Variants in EIF3E observed in about 807,000 individuals in gnomAD.
EIF3E encodes the protein eIF-3 p48.
EIF3E carries 25 observed loss-of-function variants against 59.3 expected under a neutral mutation model. The ratio of observed to expected loss-of-function variants is 0.42; its 90% CI spans 0.31 to 0.59. The LOEUF is 0.59. Among genes scored for constraint, EIF3E ranks in the 20% least tolerant of loss-of-function variants. The pLI is 0.15. For synonymous variants in EIF3E, 176 were observed against 170.2 expected (o/e 1.03, Z -0.26); for missense variants, 317 against 534.3 (o/e 0.59, Z 4.01).
intron 1 of EIF3E, among the ~76,000 whole-genome samples, chr8:108,247,036 A>G (rs1815961586): frequency 6.6e-6 from 1 of 152,136 alleles, no homozygotes; most frequent in Admixed American, 6.5e-5. Flanking sequence ...AAATGTACTT[A>G]GAAATTGCTA....
chr8:108,225,331 C>A (rs1289781296), intron 7 of EIF3E, among the ~76,000 whole-genome samples: 1 of 151,500 alleles, frequency 6.6e-6, no homozygotes, highest in African/African-American at 2.5e-5. Flanking sequence ...AATGCTTAAA[C>A]CCGTTTCTAT....
At chr8:108,206,789 C>T (rs1373450665) in intron 10 of EIF3E, among the ~76,000 whole-genome samples, 2 of 152,098 alleles carry the variant, frequency 1.3e-5, no homozygotes, top group Non-Finnish European at 2.9e-5. Flanking sequence ...GGTGACAGAA[C>T]AAGATCCTGT....
At chr8:108,206,981 G>A (rs1354547930) in intron 10 of EIF3E, among the ~76,000 whole-genome samples, 2 of 152,080 alleles carry the variant, frequency 1.3e-5, no homozygotes, top group East Asian at 3.9e-4. Context: ...GTGGATCTTT[G>A]TTTGCACTGT....
intron 5 of EIF3E, among the ~76,000 whole-genome samples, chr8:108,230,295 C>G (rs1815597509): frequency 6.6e-6 from 1 of 152,118 alleles, no homozygotes; most frequent in Non-Finnish European, 1.5e-5. Context: ...CTCACTGCAA[C>G]ATGGGGATAG....
chr8:108,203,244 G>C, intron 11 of EIF3E, 127 bp from the exon 12 acceptor site: 1 of 1,327,800 alleles, frequency 7.5e-7, no homozygotes, highest in Non-Finnish European at 1.0e-6. Flanking sequence ...ATTTACCAAG[G>C]AAGAAAAAAA....
intron 5 of EIF3E, chr8:108,233,684 A>G: frequency 2.4e-6 from 1 of 414,112 alleles, no homozygotes; most frequent in South Asian, 1.7e-5. Context: ...TTGGAAAAAA[A>G]AAAATTAAAA....
At chr8:108,202,935 T>C (rs1415068579) in intron 12 of EIF3E, 48 bp downstream of exon 12, 12 of 1,558,700 alleles carry the variant, frequency 7.7e-6, no homozygotes, top group Non-Finnish European at 1.0e-5. Flanking sequence ...ATGTAACAAT[T>C]ACATGGTTGC....
chr8:108,204,006 C>G (rs1280469364), intron 10 of EIF3E, among the ~76,000 whole-genome samples: 1 of 151,952 alleles, frequency 6.6e-6, no homozygotes, highest in African/African-American at 2.4e-5. Flanking sequence ...ATTTACATAG[C>G]ATTTACATTT....
chr8:108,217,139 T>A (rs892690291), intron 8 of EIF3E, among the ~76,000 whole-genome samples, 195 bp downstream of exon 8: 3 of 152,144 alleles, frequency 2.0e-5, no homozygotes, highest in Admixed American at 1.3e-4. Context: ...TCCTACCACA[T>A]CCAACTTGTG....
chr8:108,248,028 G>A (rs1182556524), intron 1 of EIF3E, among the ~76,000 whole-genome samples: 1 of 143,754 alleles, frequency 7.0e-6, no homozygotes, highest in African/African-American at 2.5e-5. Context: ...TTTTTTCTGG[G>A]GGGGGGGGCG....
At chr8:108,239,494 A>G (rs1815797209) in intron 3 of EIF3E, among the ~76,000 whole-genome samples, 1 of 152,162 alleles carries the variant, frequency 6.6e-6, no homozygotes, top group Admixed American at 6.6e-5. Context: ...GAGCCACCAC[A>G]CAGTGGAACA....
Position 108,217,208 on chromosome 8 carries a change from A to C in EIF3E, c.849+126T>G, listed in dbSNP as rs1815320031. ...GAGGGTCTTCTCTTTTCTAAACTTC[A>C]AGTATTCCTTCCACCTATTTTTAAA... On this transcript the variant is annotated intron_variant, in intron 8 of 12. Coordinates refer to ENST00000220849, the MANE Select transcript of EIF3E (RefSeq NM_001568.3). 5.5e-6 allele frequency: 4 copies of C among 728,124 alleles called. No individual in the cohort carries two copies. In the East Asian group the frequency reaches 1.1e-4, roughly 21 times the overall value. 45.1% of individuals were successfully genotyped at this position (728,124 alleles called of 1,614,324 possible).
intron 4 of EIF3E, 85 bp downstream of exon 4, chr8:108,236,076 C>T: frequency 9.8e-7 from 1 of 1,025,240 alleles, no homozygotes; most frequent in Non-Finnish European, 1.4e-6. Context: ...ATTCTTAGGC[C>T]AAGCCATAAG....
intron 7 of EIF3E, among the ~76,000 whole-genome samples, chr8:108,223,948 T>C (rs1442891304): frequency 6.6e-6 from 1 of 151,276 alleles, no homozygotes; most frequent in African/African-American, 2.5e-5. Flanking sequence ...CCAGGCACGG[T>C]GGCTCACACC....
At chr8:108,204,731 G>GTGTATA (rs1554597993) in intron 10 of EIF3E, among the ~76,000 whole-genome samples, 30 of 86,684 alleles carry the variant, frequency 3.5e-4, no homozygotes, top group Non-Finnish European at 5.2e-4. Context: ...TAGTATGTAT[G>GTGTATA]TATATATATA....
chr8:108,242,402 T>G, intron 1 of EIF3E: 1 of 1,289,112 alleles, frequency 7.8e-7, no homozygotes, highest in Non-Finnish European at 1.0e-6. Context: ...TTGCAAAGGA[T>G]CCAAAAAAGC....
At chr8:108,219,182 G>A (rs1435604706) in intron 7 of EIF3E, among the ~76,000 whole-genome samples, 1 of 152,100 alleles carries the variant, frequency 6.6e-6, no homozygotes, top group East Asian at 1.9e-4. Context: ...TGTATAGTGT[G>A]TTCAACTCAT....
intron 1 of EIF3E, chr8:108,242,131 G>A: frequency 7.0e-7 from 1 of 1,429,428 alleles, no homozygotes; most frequent in Non-Finnish European, 9.2e-7. Flanking sequence ...TTAAAATGAA[G>A]AGAATTACTG....
At chr8:108,211,454 T>C (rs185549958) in intron 10 of EIF3E, among the ~76,000 whole-genome samples, 9 of 152,322 alleles carry the variant, frequency 5.9e-5, no homozygotes, top group African/African-American at 2.2e-4. Flanking sequence ...GTTTTTTTCT[T>C]GTAAATTTGT....
Sources: allele counts gnomAD v4.1 joint callset (sites outside exome capture counted in the v4.1 genomes callset), GRCh38; gene constraint gnomAD v4.1.1; transcripts MANE v1.5; gene names NCBI Gene and HGNC (gene_info 2026-07-23, HGNC 2026-07-21).